The following SLC67A1 variants were observed in gnomAD, a reference collection of about 807,000 sequenced individuals.
SLC67A1 encodes solute carrier family 67 member A1.
the SLC67A1 span, chr11:2,908,212 G>A: frequency 5.3e-5 from 77 of 1,444,146 alleles, no homozygotes; most frequent in Admixed American, 3.6e-4. Context: ...CCCCTCCCCC[G>A]GGCTCCCTCC....
At chr11:2,903,763 A>C in the SLC67A1 span, 1 of 511,526 alleles carries the variant, frequency 2.0e-6, no homozygotes, top group Non-Finnish European at 3.5e-6. Flanking sequence ...ACCTCCTCAA[A>C]CCTTCCTAGC....
chr11:2,904,894 C>T, the SLC67A1 span, among the ~76,000 whole-genome samples: 9 of 152,300 alleles, frequency 5.9e-5, no homozygotes, highest in African/African-American at 2.2e-4. Context: ...CCACACCCCA[C>T]CTGCTGCTCA....
At chr11:2,904,950 T>A in the SLC67A1 span, among the ~76,000 whole-genome samples, 1 of 152,082 alleles carries the variant, frequency 6.6e-6, no homozygotes, top group African/African-American at 2.4e-5. Flanking sequence ...GAGAGGTGGC[T>A]GGATTTTGCA....
At chr11:2,919,254 C>T in the SLC67A1 span, 85 of 1,347,108 alleles carry the variant, frequency 6.3e-5, no homozygotes, top group Middle Eastern at 3.6e-4. Context: ...GGGAGGTGGG[C>T]GCCAAGGTCG....
the SLC67A1 span, among the ~76,000 whole-genome samples, chr11:2,901,915 C>T: frequency 1.3e-5 from 2 of 152,068 alleles, no homozygotes; most frequent in Non-Finnish European, 1.5e-5. Context: ...CCCCTGCCTC[C>T]CCTCCATTCT....
chr11:2,907,748 C>T, the SLC67A1 span, among the ~76,000 whole-genome samples: 1 of 152,082 alleles, frequency 6.6e-6, no homozygotes, highest in Admixed American at 6.5e-5. The surrounding 1 kb of genome is among the most constrained non-coding windows in gnomAD (Gnocchi z 6.7). Context: ...AAGGGTGTCC[C>T]TGGGAGGGAT....
At chr11:2,917,461 A>G in the SLC67A1 span, among the ~76,000 whole-genome samples, 2 of 152,176 alleles carry the variant, frequency 1.3e-5, no homozygotes, top group Non-Finnish European at 2.9e-5. Flanking sequence ...CTGAGACAAT[A>G]AGGAGGAAGG....
the SLC67A1 span, chr11:2,919,130 C>T: frequency 1.6e-4 from 59 of 358,206 alleles, no homozygotes; most frequent in South Asian, 5.1e-4. Context: ...ACCAGGGATA[C>T]GGCAGAATCC....
the SLC67A1 span, chr11:2,920,664 TGAG>T: frequency 6.6e-6 from 1 of 152,360 alleles, no homozygotes; most frequent in Non-Finnish European, 1.5e-5. Flanking sequence ...GAGAGGAGGC[TGAG>T]GAGGGGAAGG....
At chr11:2,905,482 C>T in the SLC67A1 span, among the ~76,000 whole-genome samples, 3 of 152,180 alleles carry the variant, frequency 2.0e-5, no homozygotes, top group African/African-American at 4.8e-5. Context: ...TTTCCAGCTT[C>T]ATCCATGTAC....
the SLC67A1 span, among the ~76,000 whole-genome samples, chr11:2,914,428 G>A: frequency 5.9e-5 from 9 of 152,258 alleles, no homozygotes; most frequent in South Asian, 2.1e-4. Context: ...TGGGGCCAGC[G>A]TGCTGGATTT....
the SLC67A1 span, among the ~76,000 whole-genome samples, chr11:2,918,526 A>G: frequency 2.6e-5 from 4 of 152,242 alleles, no homozygotes; most frequent in African/African-American, 9.6e-5. Flanking sequence ...CAAGCCCACG[A>G]GCAGCCCTGT....
the SLC67A1 span, among the ~76,000 whole-genome samples, chr11:2,900,692 C>CAAAAAAAAAA: frequency 1.2e-3 from 71 of 59,646 alleles, 3 homozygotes; most frequent in Admixed American, 1.5e-3. Context: ...GACTCCGTCT[C>CAAAAAAAAAA]AAAAAAAAAA....
the SLC67A1 span, chr11:2,922,426 G>T: frequency 1.2e-6 from 2 of 1,609,006 alleles, no homozygotes; most frequent in Non-Finnish European, 8.5e-7. Context: ...GCCCCCGCCT[G>T]CCGTCCCAGG....
chr11:2,909,262 C>T, the SLC67A1 span: 2 of 1,536,990 alleles, frequency 1.3e-6, no homozygotes, highest in East Asian at 2.4e-5. Flanking sequence ...TGGCGCTCTA[C>T]CTGCTCCTGG....
At chr11:2,913,178 G>C in the SLC67A1 span, among the ~76,000 whole-genome samples, 1 of 152,182 alleles carries the variant, frequency 6.6e-6, no homozygotes, top group Non-Finnish European at 1.5e-5. Flanking sequence ...GGATATGGGC[G>C]ACCCAGGCCC....
chr11:2,900,812 C>G, the SLC67A1 span, among the ~76,000 whole-genome samples: 10 of 151,964 alleles, frequency 6.6e-5, no homozygotes, highest in Middle Eastern at 6.8e-3. Flanking sequence ...TGCACTAATG[C>G]TCCTGGACCG....
chr11:2,922,893 T>C, the SLC67A1 span, among the ~76,000 whole-genome samples: 1 of 152,146 alleles, frequency 6.6e-6, no homozygotes, highest in Non-Finnish European at 1.5e-5. Context: ...CCCGGGGACT[T>C]CTGGGCCCTC....
At chr11:2,903,677 C>T in the SLC67A1 span, 2 of 642,174 alleles carry the variant, frequency 3.1e-6, no homozygotes, top group Non-Finnish European at 5.4e-6. Context: ...CCCGTCAGCA[C>T]ATCCTGTGCT....
Sources: allele counts gnomAD v4.1 joint callset (sites outside exome capture counted in the v4.1 genomes callset), GRCh38; gene constraint gnomAD v4.1.1; non-coding constraint Gnocchi (gnomAD v3.1); transcripts MANE v1.5; gene names NCBI Gene and HGNC (gene_info 2026-07-23, HGNC 2026-07-21).